KIAA0930: variants seen among roughly 807,000 people sequenced by gnomAD.
KIAA0930 encodes the protein KIAA0930.
In KIAA0930, 24 loss-of-function variants were observed where a neutral mutation model predicts 43.9. The observed-to-expected ratio is 0.55, with a 90% CI of 0.40 to 0.77. The LOEUF (loss-of-function observed/expected upper bound fraction) is 0.77, where lower values mean the gene tolerates loss of function less well. Ranked by LOEUF, KIAA0930 falls within the 30% of genes least tolerant of loss-of-function variation. The pLI, the probability that KIAA0930 is intolerant of heterozygous loss-of-function variation, is 0.00. For synonymous variants in KIAA0930, 259 were observed against 216.4 expected (o/e 1.20, Z -1.73); for missense variants, 461 against 574.2 (o/e 0.80, Z 2.02).
At chr22:45,211,845 C>A (rs1480389837) in intron 2 of KIAA0930, 111 bp downstream of exon 2, 2 of 1,067,344 alleles carry the variant, frequency 1.9e-6, no homozygotes, top group Non-Finnish European at 2.7e-6. Context: ...ATATCACTCA[C>A]CCTCTTTGAT....
chr22:45,231,907 C>T (rs1043621566), intron 1 of KIAA0930, among the ~76,000 whole-genome samples: 1 of 152,142 alleles, frequency 6.6e-6, no homozygotes, highest in Non-Finnish European at 1.5e-5. Flanking sequence ...AGGAGAATGG[C>T]GTGAACCTGG....
At chr22:45,198,144 G>A (rs930910066) in intron 8 of KIAA0930, 196 bp from the exon 9 acceptor site, 4 of 585,758 alleles carry the variant, frequency 6.8e-6, no homozygotes, top group Non-Finnish European at 1.2e-5. Flanking sequence ...GCTTCCTCTG[G>A]CCCAGACCCA....
rs9615070 is a variant in KIAA0930 at position 45,225,772 on chromosome 22, C to T, written c.65-13665G>A. 7.9e-5 allele frequency among the ~76,000 whole-genome samples: 12 copies of T among 152,330 alleles called. No individual in the cohort carries two copies. In the South Asian group the frequency reaches 1.0e-3, roughly 13 times the overall value. On this transcript the variant is annotated intron_variant, in intron 1 of 9. Transcript: ENST00000336156. ...CCAGCTGGGGCCCTGCAAGACATCCCGAGTGCTGCCCGTGCCCACGTGCAC... is the reference window on the plus strand; with the variant it reads ...CCAGCTGGGGCCCTGCAAGACATCCTGAGTGCTGCCCGTGCCCACGTGCAC...
chr22:45,210,830 A>AGTGTGGCTCTAGTCCCTGCACACCCCCCC (rs1472561692), intron 2 of KIAA0930, among the ~76,000 whole-genome samples: 1 of 56,826 alleles, frequency 1.8e-5, no homozygotes, highest in African/African-American at 7.9e-5. Context: ...CACACCCGCC[A>AGTGTGGCTCTAGTCCCTGCACACCCCCCC]CTGAAACTGC....
rs1420868123 is a variant in KIAA0930, at chr22:45,206,053, C to T, written c.217-141G>A. The stretch of plus-strand genomic sequence containing the variant: ...TTTTTTGAGACAGGGTCTCACACCG[C>T]TGCCCAGGCTAGAGAGCAGTGGTGC... On this transcript the variant is annotated intron_variant, in intron 2 of 9. Transcript: ENST00000336156. 3.5e-6 allele frequency: 5 copies of T among 1,409,186 alleles called. No homozygotes were observed. In the Admixed American group the frequency reaches 1.0e-4, roughly 29 times the overall value. 87.3% of individuals were successfully genotyped at this position (1,409,186 alleles called of 1,614,324 possible). A position where few individuals can be genotyped will look rare whatever the true frequency, so the allele number is the denominator to read the frequency against.
chr22:45,225,303 T>C (rs1488574371), intron 1 of KIAA0930, among the ~76,000 whole-genome samples: 1 of 152,058 alleles, frequency 6.6e-6, no homozygotes. Flanking sequence ...CTGGCTGCTC[T>C]GACGAGGCAC....
At chr22:45,213,327 C>G in intron 1 of KIAA0930, 8 of 1,303,684 alleles carry the variant, frequency 6.1e-6, no homozygotes, top group Non-Finnish European at 8.1e-6. Flanking sequence ...TCACCCACTC[C>G]CATGCCCTGC....
At position 45,193,663 on chromosome 22, in the gene KIAA0930, G is replaced by C. The variant is rs907524003; in HGVS notation, c.*3513C>G. On this transcript the variant is annotated 3_prime_UTR_variant, in exon 10 of 10. Coordinates refer to ENST00000336156, the MANE Select transcript of KIAA0930 (RefSeq NM_001009880.2). ...ACTCAGCAACCCATCCTGCCTCCAAGCTGACTTGGCTATAGAGTATCTTGC... is the reference window on the plus strand; with the variant it reads ...ACTCAGCAACCCATCCTGCCTCCAACCTGACTTGGCTATAGAGTATCTTGC... The C allele has an allele frequency of 1.3e-5, 2 of 152,144 alleles. No individual in the cohort carries two copies. Among genetic ancestry groups the C allele is most frequent in the Non-Finnish European group, 2.9e-5 (2 of 68,044 alleles). The allele number at this position is 152,144 out of a possible 1,614,324, so 9.4% of individuals were successfully genotyped here.
chr22:45,199,028 T>G (rs1225724081), intron 8 of KIAA0930, among the ~76,000 whole-genome samples: 1 of 152,074 alleles, frequency 6.6e-6, no homozygotes, highest in East Asian at 1.9e-4. Context: ...AGGATGACAG[T>G]GAGGAAGGCA....
intron 1 of KIAA0930, among the ~76,000 whole-genome samples, chr22:45,237,487 CCT>C (rs1266641592): frequency 6.6e-6 from 1 of 152,146 alleles, no homozygotes; most frequent in Non-Finnish European, 1.5e-5. Flanking sequence ...AGCGATGACC[CCT>C]GAGTGAGGAG....
intron 1 of KIAA0930, among the ~76,000 whole-genome samples, chr22:45,223,304 G>A (rs991028108): frequency 7.9e-5 from 12 of 152,208 alleles, no homozygotes; most frequent in African/African-American, 2.9e-4. Flanking sequence ...CAATATTAGA[G>A]GTTTTTCCTA....
intron 1 of KIAA0930, among the ~76,000 whole-genome samples, chr22:45,214,753 A>G (rs550730428): frequency 1.9e-4 from 29 of 152,186 alleles, no homozygotes; most frequent in East Asian, 9.6e-4. Flanking sequence ...TAAAAAAAAA[A>G]TAAAAATTAG....
intron 1 of KIAA0930, among the ~76,000 whole-genome samples, chr22:45,232,248 G>A (rs2083858515): frequency 6.6e-6 from 1 of 152,126 alleles, no homozygotes; most frequent in African/African-American, 2.4e-5. Context: ...ATAATTACAT[G>A]GATAATCCAC....
In KIAA0930 at chr22:45,197,162, GGCTCC is replaced by G. The variant is rs1384198178; in HGVS notation, c.*9_*13del. 2.6e-6 allele frequency: 4 copies of G among 1,545,884 alleles called. No individual in the cohort carries two copies. Among genetic ancestry groups the G allele is most frequent in the Non-Finnish European group, 3.5e-6 (4 of 1,144,072 alleles). On this transcript the variant is annotated 3_prime_UTR_variant, in exon 10 of 10. Transcript: ENST00000336156. Reference sequence around the variant, plus strand: ...CTGGGCCCGGCCGGGGCTCTGCGCAGGCTCCGCACGCGGCTAGGTCATCAGGATGG... The same window carrying G: ...CTGGGCCCGGCCGGGGCTCTGCGCAGGCACGCGGCTAGGTCATCAGGATGG...
intron 1 of KIAA0930, among the ~76,000 whole-genome samples, chr22:45,230,354 C>T (rs991421776): frequency 6.6e-6 from 1 of 152,094 alleles, no homozygotes; most frequent in Non-Finnish European, 1.5e-5. Flanking sequence ...CCCCAAAATA[C>T]GACACGCTGG....
chr22:45,219,587 T>TA (rs963994646), intron 1 of KIAA0930, among the ~76,000 whole-genome samples: 16 of 107,294 alleles, frequency 1.5e-4, no homozygotes, highest in Non-Finnish European at 2.5e-4. Flanking sequence ...TGATTGTTTT[T>TA]TTTTTTTTTT....
intron 2 of KIAA0930, among the ~76,000 whole-genome samples, chr22:45,208,156 G>A (rs2083655535): frequency 6.6e-6 from 1 of 152,156 alleles, no homozygotes; most frequent in African/African-American, 2.4e-5. Context: ...GGGTGGCCAG[G>A]CCGCCATGGT....
At chr22:45,198,011 G>A in intron 8 of KIAA0930, 63 bp from the exon 9 acceptor site, 1 of 1,551,632 alleles carries the variant, frequency 6.4e-7, no homozygotes, top group African/African-American at 1.4e-5. Context: ...GCAGCAGGAG[G>A]CCAGCTCCCA....
Position 45,211,942 on chromosome 22 carries a change from C to G in KIAA0930, c.216+14G>C. 6.2e-7 allele frequency: 1 copy of G among 1,607,424 alleles called. No individual in the cohort carries two copies. The highest frequency in any genetic ancestry group is 8.5e-7 in the Non-Finnish European group (1 of 1,179,502). ...GGGGCACAGACGCAGGGGCAGGGGC[C>G]GGGGGTCACTCACCTTCCTCCCGTC... On this transcript the variant is annotated intron_variant, in intron 2 of 9. Coordinates refer to ENST00000336156, the MANE Select transcript of KIAA0930 (RefSeq NM_001009880.2).
Sources: allele counts gnomAD v4.1 joint callset (sites outside exome capture counted in the v4.1 genomes callset), GRCh38; gene constraint gnomAD v4.1.1; transcripts MANE v1.5; gene names NCBI Gene and HGNC (gene_info 2026-07-23, HGNC 2026-07-21).